Variants in DAB2IP observed in about 807,000 individuals in gnomAD.
DAB2IP encodes DAB2 interacting protein.
DAB2IP carries 28 observed loss-of-function variants against 107.2 expected under a neutral mutation model. That is an observed-to-expected ratio of 0.26 (90% CI 0.19 to 0.36). The LOEUF (loss-of-function observed/expected upper bound fraction) is 0.36, where lower values mean the gene tolerates loss of function less well. Among genes scored for constraint, DAB2IP ranks in the 10% least tolerant of loss-of-function variants. DAB2IP has a pLI of 1.00. For synonymous variants in DAB2IP, 755 were observed against 706.4 expected (o/e 1.07, Z -1.09); for missense variants, 1,400 against 1,644.7 (o/e 0.85, Z 2.57).
At chr9:121,766,884 A>T (rs1179282870) in intron 9 of DAB2IP, among the ~76,000 whole-genome samples, 154 bp downstream of exon 9, 1 of 152,170 alleles carries the variant, frequency 6.6e-6, no homozygotes, top group African/African-American at 2.4e-5. Context: ...CCCGCTTTTT[A>T]AAAAATAAAA....
At chr9:121,768,505 T>C (rs1834463183) in exon 10 of DAB2IP, 2 of 1,614,098 alleles carry the variant, frequency 1.2e-6, no homozygotes, top group Non-Finnish European at 1.7e-6. Flanking sequence ...CATGCAGCGC[T>C]TCCTGCTGGA....
chr9:121,777,438 C>G (rs79138086), intron 14 of DAB2IP, among the ~76,000 whole-genome samples: 124 of 152,348 alleles, frequency 8.1e-4, no homozygotes, highest in African/African-American at 2.7e-3. Context: ...ACTTGTTCTC[C>G]AGCTCTGCTC....
chr9:121,737,849 G>A (rs1832039946), intron 3 of DAB2IP: 1 of 930,770 alleles, frequency 1.1e-6, no homozygotes, highest in African/African-American at 1.8e-5. Flanking sequence ...TTTCTCCAAT[G>A]AGGCCTGGTC....
intron 10 of DAB2IP, 105 bp downstream of exon 10, chr9:121,768,738 C>T (rs913305157): frequency 4.6e-5 from 65 of 1,409,322 alleles, no homozygotes; most frequent in Non-Finnish European, 5.6e-5. Context: ...GCCCAAGTGG[C>T]ATGATCAGGC....
chr9:121,745,245 C>T (rs1187192619), intron 3 of DAB2IP, among the ~76,000 whole-genome samples: 1 of 152,182 alleles, frequency 6.6e-6, no homozygotes, highest in African/African-American at 2.4e-5. Flanking sequence ...TGTGGGCTCA[C>T]TGTGGTGTGG....
chr9:121,675,573 T>A (rs954468197), intron 1 of DAB2IP, among the ~76,000 whole-genome samples: 7 of 152,288 alleles, frequency 4.6e-5, no homozygotes, highest in African/African-American at 1.7e-4. Flanking sequence ...AAGCCCTGAG[T>A]ACCTCCTATG....
intron 3 of DAB2IP, among the ~76,000 whole-genome samples, chr9:121,746,926 C>T (rs1832761492): frequency 6.6e-6 from 1 of 152,122 alleles, no homozygotes; most frequent in Admixed American, 6.5e-5. Flanking sequence ...GGTGTGTTCA[C>T]ATGTGAGGAG....
chr9:121,724,198 C>T (rs182848700), intron 3 of DAB2IP, among the ~76,000 whole-genome samples: 4 of 152,210 alleles, frequency 2.6e-5, no homozygotes, highest in Admixed American at 2.6e-4. Context: ...CAGTTCTCTG[C>T]CCAGGACTCA....
At chr9:121,623,053 C>T (rs1831527350) in intron 1 of DAB2IP, among the ~76,000 whole-genome samples, 1 of 152,210 alleles carries the variant, frequency 6.6e-6, no homozygotes, top group Admixed American at 6.5e-5. Context: ...AGCCTTGCGC[C>T]ATCTCTCTTA....
chr9:121,604,921 G>T (rs116756423), intron 1 of DAB2IP, among the ~76,000 whole-genome samples: 3 of 152,214 alleles, frequency 2.0e-5, no homozygotes, highest in Non-Finnish European at 2.9e-5. Flanking sequence ...GGAGAGCCTC[G>T]CAGTCTGCTC....
chr9:121,660,031 C>T (rs1322837669), intron 1 of DAB2IP, among the ~76,000 whole-genome samples: 1 of 151,936 alleles, frequency 6.6e-6, no homozygotes, highest in East Asian at 2.0e-4. Flanking sequence ...GGGGAAGAGT[C>T]TTGGCATAAG....
rs544734764 is a variant in DAB2IP at position 121,634,950 on chromosome 9, G to T, written c.41-43728G>T. On this transcript the variant is annotated intron_variant, in intron 1 of 16. Transcript: ENST00000259371. The surrounding 1 kb of genome is among the most constrained non-coding windows in gnomAD (Gnocchi z 4.7). ...AGCCAGAACAGCCAACACCAGGCAGGTTTGATGCCTGATACCATGGGGCCC... is the reference window on the plus strand; with the variant it reads ...AGCCAGAACAGCCAACACCAGGCAGTTTTGATGCCTGATACCATGGGGCCC... Among the ~76,000 whole-genome samples the T allele has an allele frequency of 5.9e-5, 9 of 152,312 alleles. No homozygotes were observed. Among genetic ancestry groups the T allele is most frequent in the African/African-American group, 2.2e-4 (9 of 41,582 alleles).
chr9:121,630,676 T>C (rs1333749666), intron 1 of DAB2IP, among the ~76,000 whole-genome samples: 1 of 151,502 alleles, frequency 6.6e-6, no homozygotes, highest in Non-Finnish European at 1.5e-5. Context: ...GATGCAATCT[T>C]GGCTCACTGC....
chr9:121,783,779 G>A, exon 16 of DAB2IP: 1 of 607,988 alleles, frequency 1.6e-6, no homozygotes, highest in Non-Finnish European at 2.9e-6. Context: ...GCTGGGGCCG[G>A]TTTTCCTCAG....
chr9:121,646,265 G>A (rs146921523), intron 1 of DAB2IP, among the ~76,000 whole-genome samples: 5 of 152,062 alleles, frequency 3.3e-5, no homozygotes, highest in East Asian at 1.9e-4. Context: ...AGTGGTGGTC[G>A]CCTGGCTAGC....
chr9:121,574,578 C>A (rs1188723055), intron 1 of DAB2IP, among the ~76,000 whole-genome samples: 1 of 152,164 alleles, frequency 6.6e-6, no homozygotes, highest in Non-Finnish European at 1.5e-5. Context: ...TCCACTGACT[C>A]CTCACAGAGG....
intron 3 of DAB2IP, among the ~76,000 whole-genome samples, chr9:121,733,027 C>T (rs1047176055): frequency 6.6e-6 from 1 of 152,184 alleles, no homozygotes; most frequent in Admixed American, 6.5e-5. Flanking sequence ...CAATCTAATA[C>T]CAAGTTTGTT....
chr9:121,636,396 C>T (rs1832088803), intron 1 of DAB2IP, among the ~76,000 whole-genome samples: 1 of 152,198 alleles, frequency 6.6e-6, no homozygotes, highest in South Asian at 2.1e-4. Context: ...GAAGTGGTTG[C>T]CACGGAAACT....
In DAB2IP at chr9:121,760,694, G is replaced by A. The variant is rs1833822402; in HGVS notation, c.1170+255G>A. Among the ~76,000 whole-genome samples, 1 of 152,234 alleles carries A rather than the reference G, an allele frequency of 6.6e-6. No individual in the cohort carries two copies. The highest frequency in any genetic ancestry group is 2.1e-4 in the South Asian group (1 of 4,818). On this transcript the variant is annotated intron_variant, in intron 6 of 15. Coordinates refer to ENST00000408936, the Ensembl canonical transcript of DAB2IP. This position sits in a 1 kb window ranked among gnomAD's most constrained non-coding sequence, Gnocchi z 5.9. Reference sequence around the variant, plus strand: ...AGCTGGTAGTGAGGGAGTGGGCTTGGGTTGAGGTGCCTTCCACCACTGCTG... The same window carrying A: ...AGCTGGTAGTGAGGGAGTGGGCTTGAGTTGAGGTGCCTTCCACCACTGCTG...
Sources: allele counts gnomAD v4.1 joint callset (sites outside exome capture counted in the v4.1 genomes callset), GRCh38; gene constraint gnomAD v4.1.1; non-coding constraint Gnocchi (gnomAD v3.1); transcripts MANE v1.5; gene names NCBI Gene and HGNC (gene_info 2026-07-23, HGNC 2026-07-21).